The following ADGRB3 variants were observed in gnomAD, a reference collection of about 807,000 sequenced individuals.
ADGRB3 encodes the protein brain-specific angiogenesis inhibitor 3.
In ADGRB3, 37 loss-of-function variants were observed where a neutral mutation model predicts 193.4. The observed-to-expected ratio is 0.19, with a 90% CI of 0.15 to 0.25. The LOEUF (loss-of-function observed/expected upper bound fraction) is 0.25. ADGRB3 is among the 10% of genes least tolerant of loss of function. The pLI, the probability that ADGRB3 is intolerant of heterozygous loss-of-function variation, is 1.00. For missense variants in ADGRB3, 1,637 were observed against 1,852.9 expected (o/e 0.88, Z 2.14); for synonymous variants, 690 against 644.2 (o/e 1.07, Z -1.08).
chr6:68,996,289 T>A (rs1769380074), intron 11 of ADGRB3, among the ~76,000 whole-genome samples: 1 of 152,126 alleles, frequency 6.6e-6, no homozygotes, highest in African/African-American at 2.4e-5. Context: ...AGCCTCTAAT[T>A]ACCTCAGCCT....
intron 17 of ADGRB3, among the ~76,000 whole-genome samples, chr6:69,174,372 A>C (rs1582519109): frequency 2.6e-5 from 4 of 152,168 alleles, no homozygotes; most frequent in East Asian, 1.9e-4. Flanking sequence ...CTGTTCCTGC[A>C]TGAATTTGAT....
At chr6:68,769,405 G>T (rs1766572609) in intron 3 of ADGRB3, among the ~76,000 whole-genome samples, 1 of 152,136 alleles carries the variant, frequency 6.6e-6, no homozygotes, top group South Asian at 2.1e-4. Context: ...GGATGAAGCT[G>T]GAAACCATCA....
intron 6 of ADGRB3, among the ~76,000 whole-genome samples, chr6:68,952,079 C>A (rs1767934907): frequency 1.3e-5 from 2 of 152,098 alleles, no homozygotes; most frequent in South Asian, 4.1e-4. Flanking sequence ...AGATAATGCA[C>A]AAATTCTATC....
At chr6:68,836,013 T>G (rs1329064946) in intron 3 of ADGRB3, among the ~76,000 whole-genome samples, 2 of 152,150 alleles carry the variant, frequency 1.3e-5, no homozygotes, top group Non-Finnish European at 2.9e-5. Context: ...TCTGCTTGGC[T>G]AACATGCTTT....
At chr6:69,037,118 G>A (rs970752044) in intron 13 of ADGRB3, among the ~76,000 whole-genome samples, 4 of 152,094 alleles carry the variant, frequency 2.6e-5, no homozygotes, top group Non-Finnish European at 5.9e-5. Flanking sequence ...TGATGGGTGG[G>A]TTGTAGGGGG....
intron 17 of ADGRB3, among the ~76,000 whole-genome samples, chr6:69,180,466 G>A (rs1053620449): frequency 3.3e-5 from 5 of 152,078 alleles, no homozygotes; most frequent in Admixed American, 1.3e-4. Context: ...ACAACAATCT[G>A]TGTCTAGGAA....
intron 3 of ADGRB3, among the ~76,000 whole-genome samples, chr6:68,885,180 G>T (rs1765873542): frequency 6.6e-6 from 1 of 151,986 alleles, no homozygotes; most frequent in African/African-American, 2.4e-5. Flanking sequence ...GAATTTGAAT[G>T]GTCTGAAGGA....
At chr6:68,662,016 A>C (rs890232086) in intron 3 of ADGRB3, among the ~76,000 whole-genome samples, 1 of 151,520 alleles carries the variant, frequency 6.6e-6, no homozygotes, top group African/African-American at 2.4e-5. Flanking sequence ...AAAAGGCTTC[A>C]CTTTTGATGA....
At chr6:68,768,437 G>A (rs1253443363) in intron 3 of ADGRB3, among the ~76,000 whole-genome samples, 1 of 152,092 alleles carries the variant, frequency 6.6e-6, no homozygotes, top group Non-Finnish European at 1.5e-5. Context: ...CAAACAATGG[G>A]GGAAAGGAAT....
intron 11 of ADGRB3, among the ~76,000 whole-genome samples, chr6:68,999,619 C>T (rs1769506869): frequency 6.6e-6 from 1 of 152,158 alleles, no homozygotes; most frequent in Non-Finnish European, 1.5e-5. Context: ...TTAAAGATAT[C>T]TTTTGTTGTT....
At chr6:68,788,108 C>T (rs1367988408) in intron 3 of ADGRB3, among the ~76,000 whole-genome samples, 2 of 152,100 alleles carry the variant, frequency 1.3e-5, no homozygotes, top group Non-Finnish European at 1.5e-5. Flanking sequence ...AAAACCAGCT[C>T]CTGGATTCAT....
chr6:69,223,857 A>G (rs148051342), intron 17 of ADGRB3, among the ~76,000 whole-genome samples: 65 of 151,884 alleles, frequency 4.3e-4, no homozygotes, highest in African/African-American at 1.5e-3. Context: ...GGATTTCACT[A>G]TGTTGCTCAG....
intron 30 of ADGRB3, among the ~76,000 whole-genome samples, chr6:69,378,363 C>T (rs1460024150): frequency 6.6e-6 from 1 of 151,972 alleles, no homozygotes; most frequent in Admixed American, 6.6e-5. Flanking sequence ...TGAGACACAT[C>T]TAAGATAGCA....
chr6:68,823,314 A>G (rs1767780806), intron 3 of ADGRB3, among the ~76,000 whole-genome samples: 1 of 151,976 alleles, frequency 6.6e-6, no homozygotes. Context: ...GAAAAATTGA[A>G]TTTACTTAAA....
intron 3 of ADGRB3, among the ~76,000 whole-genome samples, chr6:68,669,605 TGTGTG>T (rs1240871885): frequency 4.3e-4 from 5 of 11,624 alleles, no homozygotes; most frequent in African/African-American, 1.2e-3. Context: ...AATACTCCAT[TGTGTG>T]TGTGTGTGTG....
intron 3 of ADGRB3, among the ~76,000 whole-genome samples, chr6:68,735,833 G>A (rs1237021115): frequency 6.6e-6 from 1 of 152,008 alleles, no homozygotes; most frequent in South Asian, 2.1e-4. Flanking sequence ...TAAAATAGAT[G>A]AATTTTTCCA....
intron 15 of ADGRB3, among the ~76,000 whole-genome samples, chr6:69,050,970 G>GCACT (rs1488485962): frequency 2.0e-5 from 3 of 152,058 alleles, no homozygotes; most frequent in Non-Finnish European, 4.4e-5. Context: ...TAATCTCATA[G>GCACT]CACTCACTCA....
intron 15 of ADGRB3, among the ~76,000 whole-genome samples, chr6:69,061,753 A>T (rs1771755381): frequency 6.6e-6 from 1 of 152,192 alleles, no homozygotes; most frequent in Admixed American, 6.5e-5. Flanking sequence ...CAAAAATGTT[A>T]TGCTAAATGA....
At chr6:68,982,756 G>C (rs944302621) in intron 10 of ADGRB3, among the ~76,000 whole-genome samples, 1 of 152,028 alleles carries the variant, frequency 6.6e-6, no homozygotes, top group Non-Finnish European at 1.5e-5. Flanking sequence ...AATCTCAGCA[G>C]GATTTTTAGG....
Sources: allele counts gnomAD v4.1 joint callset (sites outside exome capture counted in the v4.1 genomes callset), GRCh38; gene constraint gnomAD v4.1.1; transcripts MANE v1.5; gene names NCBI Gene and HGNC (gene_info 2026-07-23, HGNC 2026-07-21).